Variants in PPM1L observed in about 807,000 individuals in gnomAD.
The protein encoded by PPM1L is protein phosphatase 1L.
A neutral mutation model predicts 31.4 loss-of-function variants in PPM1L; 13 were observed. The observed-to-expected ratio is 0.41, with a 90% confidence interval of 0.27 to 0.66. The LOEUF (loss-of-function observed/expected upper bound fraction) is 0.66, where lower values mean the gene tolerates loss of function less well. PPM1L is among the 30% of genes least tolerant of loss of function. The pLI is 0.29. For missense variants in PPM1L, 326 were observed against 453.7 expected (o/e 0.72, Z 2.56); for synonymous variants, 184 against 175.4 (o/e 1.05, Z -0.39).
intron 1 of PPM1L, among the ~76,000 whole-genome samples, chr3:160,866,906 G>A (rs970910928): frequency 7.2e-5 from 11 of 152,116 alleles, no homozygotes; most frequent in Non-Finnish European, 1.5e-4. Flanking sequence ...GTGCAGTGGT[G>A]CAATCACAGC....
intron 2 of PPM1L, among the ~76,000 whole-genome samples, chr3:161,011,474 G>C (rs1047254060): frequency 6.6e-6 from 1 of 152,016 alleles, no homozygotes; most frequent in African/African-American, 2.4e-5. Flanking sequence ...TTGTTCTTTT[G>C]GCTTAGGATT....
chr3:160,792,925 C>T (rs769640427), intron 1 of PPM1L, among the ~76,000 whole-genome samples: 3 of 152,186 alleles, frequency 2.0e-5, no homozygotes, highest in Non-Finnish European at 2.9e-5. Flanking sequence ...CCAACGAGCA[C>T]AGCTCATTGA....
At chr3:161,054,867 T>C (rs1469351620) in intron 2 of PPM1L, among the ~76,000 whole-genome samples, 1 of 152,088 alleles carries the variant, frequency 6.6e-6, no homozygotes, top group Non-Finnish European at 1.5e-5. Flanking sequence ...TATAGATAGA[T>C]CATTTTCCAA....
At chr3:160,829,097 C>G (rs1713438945) in intron 1 of PPM1L, among the ~76,000 whole-genome samples, 1 of 151,812 alleles carries the variant, frequency 6.6e-6, no homozygotes. Flanking sequence ...CAGTGGAAGG[C>G]TTTGGTCTCG....
At chr3:160,972,245 A>T (rs1388920474) in intron 2 of PPM1L, among the ~76,000 whole-genome samples, 5 of 152,138 alleles carry the variant, frequency 3.3e-5, no homozygotes, top group African/African-American at 1.2e-4. Context: ...CATGTGCACA[A>T]CGTGCAGGTT....
intron 1 of PPM1L, among the ~76,000 whole-genome samples, chr3:160,916,473 A>G (rs944549908): frequency 6.6e-6 from 1 of 152,172 alleles, no homozygotes. Context: ...TCTAGATGCT[A>G]AAATGTAACA....
At chr3:160,973,764 G>GTTTTTGTTTTTTTT (rs1716436400) in intron 2 of PPM1L, among the ~76,000 whole-genome samples, 1 of 88,450 alleles carries the variant, frequency 1.1e-5, no homozygotes, top group Non-Finnish European at 2.6e-5. Flanking sequence ...GAAAGGCCCT[G>GTTTTTGTTTTTTTT]TTTTTTTTTT....
intron 2 of PPM1L, among the ~76,000 whole-genome samples, chr3:161,046,582 C>A (rs1719081862): frequency 6.6e-6 from 1 of 152,268 alleles, no homozygotes; most frequent in South Asian, 2.1e-4. Flanking sequence ...CTCCCTAACT[C>A]ATTTTATGAG....
chr3:161,017,691 C>A (rs1269366966), intron 2 of PPM1L, among the ~76,000 whole-genome samples: 1 of 152,106 alleles, frequency 6.6e-6, no homozygotes, highest in Admixed American at 6.6e-5. Context: ...CCATTCTGTC[C>A]TTGGTGAAAA....
chr3:160,853,063 C>G (rs937341811), intron 1 of PPM1L, among the ~76,000 whole-genome samples: 1 of 152,162 alleles, frequency 6.6e-6, no homozygotes, highest in African/African-American at 2.4e-5. Context: ...GAGGTAGCTT[C>G]TGGCATTCCT....
intron 1 of PPM1L, among the ~76,000 whole-genome samples, chr3:160,952,137 A>T (rs939539405): frequency 6.6e-6 from 1 of 152,006 alleles, no homozygotes; most frequent in African/African-American, 2.4e-5. Context: ...AAGAAATGAC[A>T]CTCTTGGCAG....
intron 1 of PPM1L, among the ~76,000 whole-genome samples, chr3:160,955,977 G>T (rs933923714): frequency 1.3e-5 from 2 of 152,084 alleles, no homozygotes; most frequent in Admixed American, 1.3e-4. Flanking sequence ...AAGATGAATT[G>T]TGAAACATTT....
intron 1 of PPM1L, among the ~76,000 whole-genome samples, chr3:160,864,599 AT>A (rs1712022943): frequency 6.6e-6 from 1 of 152,224 alleles, no homozygotes; most frequent in South Asian, 2.1e-4. Context: ...TTGGCTTCAA[AT>A]CTTTATCAGT....
chr3:160,783,132 A>G (rs1711795877), intron 1 of PPM1L, among the ~76,000 whole-genome samples: 1 of 152,238 alleles, frequency 6.6e-6, no homozygotes, highest in Admixed American at 6.5e-5. Context: ...TTCCTCCTTT[A>G]GAGCGGCTTT....
At chr3:160,949,620 G>T (rs914727798) in intron 1 of PPM1L, among the ~76,000 whole-genome samples, 3 of 152,124 alleles carry the variant, frequency 2.0e-5, no homozygotes, top group African/African-American at 7.2e-5. Flanking sequence ...TGGTTTTAAA[G>T]CACCCATTCC....
intron 1 of PPM1L, among the ~76,000 whole-genome samples, chr3:160,887,560 G>C (rs1712956888): frequency 6.7e-6 from 1 of 150,344 alleles, no homozygotes; most frequent in African/African-American, 2.4e-5. Flanking sequence ...AGAGATTGGG[G>C]GCTAATATTC....
chr3:160,868,525 G>A (rs1004733781), intron 1 of PPM1L, among the ~76,000 whole-genome samples: 9 of 152,308 alleles, frequency 5.9e-5, no homozygotes, highest in Middle Eastern at 3.4e-3. Flanking sequence ...GGCCACCAAA[G>A]CAGGGCTGCT....
chr3:160,908,403 A>G (rs537646402), intron 1 of PPM1L, among the ~76,000 whole-genome samples: 1 of 152,304 alleles, frequency 6.6e-6, no homozygotes, highest in East Asian at 1.9e-4. Context: ...CAAACAAATA[A>G]TTTTTGCTGG....
intron 1 of PPM1L, among the ~76,000 whole-genome samples, chr3:160,899,597 T>C (rs538173320): frequency 0.046 from 6,938 of 151,158 alleles, 493 homozygotes; most frequent in African/African-American, 0.15. Flanking sequence ...TTTGTTGTAA[T>C]TTCAAGTAAT....
Sources: allele counts gnomAD v4.1 joint callset (sites outside exome capture counted in the v4.1 genomes callset), GRCh38; gene constraint gnomAD v4.1.1; transcripts MANE v1.5; gene names NCBI Gene and HGNC (gene_info 2026-07-23, HGNC 2026-07-21).